ERO1A: variants seen among roughly 807,000 people sequenced by gnomAD.
The protein encoded by ERO1A is endoplasmic reticulum oxidoreductase 1 alpha.
Under a neutral mutation model 76.9 loss-of-function variants are expected in ERO1A, and 49 were observed. The observed-to-expected ratio is 0.64, with a 90% CI of 0.51 to 0.81. The LOEUF is 0.81. ERO1A is among the 30% of genes least tolerant of loss of function. ERO1A has a pLI of 0.00. For synonymous variants in ERO1A, 174 were observed against 181.2 expected (o/e 0.96, Z 0.32); for missense variants, 448 against 542.1 (o/e 0.83, Z 1.72).
At chr14:52,661,175 G>C (rs999540950) in intron 9 of ERO1A, 118 bp downstream of exon 9, 5 of 393,166 alleles carry the variant, frequency 1.3e-5, no homozygotes, top group African/African-American at 2.1e-5. Context: ...AGATAAATAA[G>C]TAAAACTTAA....
chr14:52,674,236 C>A (rs1415138073), intron 4 of ERO1A, among the ~76,000 whole-genome samples: 2 of 152,146 alleles, frequency 1.3e-5, no homozygotes, highest in African/African-American at 4.8e-5. Flanking sequence ...TTCTCTGTCT[C>A]CCAAGCTGGA....
At chr14:52,695,128 A>AC (rs1235469440) in intron 1 of ERO1A, among the ~76,000 whole-genome samples, 1 of 152,196 alleles carries the variant, frequency 6.6e-6, no homozygotes, top group African/African-American at 2.4e-5. Context: ...AACCGCGTGC[A>AC]CCCAACCCCT....
At chr14:52,655,226 G>A (rs922527086) in intron 11 of ERO1A, among the ~76,000 whole-genome samples, 4 of 152,060 alleles carry the variant, frequency 2.6e-5, no homozygotes, top group Non-Finnish European at 5.9e-5. Flanking sequence ...TCAGCCGGGC[G>A]TGGTGGCACA....
chr14:52,693,457 C>T (rs765538922), intron 1 of ERO1A, among the ~76,000 whole-genome samples: 5 of 152,116 alleles, frequency 3.3e-5, no homozygotes, highest in Non-Finnish European at 7.3e-5. Context: ...CAGCCTATTG[C>T]GGGACCTTGT....
At chr14:52,659,445 A>G (rs1462554189) in intron 9 of ERO1A, among the ~76,000 whole-genome samples, 1 of 152,186 alleles carries the variant, frequency 6.6e-6, no homozygotes, top group Non-Finnish European at 1.5e-5. Context: ...GTAGTAACTA[A>G]GGGTATGGTT....
chr14:52,683,756 A>G, intron 2 of ERO1A, 32 bp downstream of exon 2: 1 of 954,534 alleles, frequency 1.0e-6, no homozygotes, highest in Non-Finnish European at 1.5e-6. Flanking sequence ...CATTTAAAGT[A>G]TTCATATATA....
At position 52,643,772 on chromosome 14, in the gene ERO1A, T is replaced by C. The variant is rs899935695; in HGVS notation, c.1347-142A>G. 20 of 508,362 alleles carry C rather than the reference T, an allele frequency of 3.9e-5. No homozygotes were observed. The African/African-American group carries it at 4.1e-4, about 10-fold the overall frequency. 31.5% of individuals were successfully genotyped at this position (508,362 alleles called of 1,614,324 possible). A position where few individuals can be genotyped will look rare whatever the true frequency, so the allele number is the denominator to read the frequency against. On this transcript the variant is annotated intron_variant, in intron 15 of 15. Transcript: ENST00000395686. ...GCATAAACCATTTAATGTATTTTAA[T>C]ATATTTTAGTTCTTAATTCGACAAG...
At position 52,678,324 on chromosome 14, in the gene ERO1A, A is replaced by G. The variant is rs1284088607; in HGVS notation, c.357+110T>C. The G allele has an allele frequency of 1.6e-5, 12 of 734,484 alleles. No homozygotes were observed. In the East Asian group the frequency reaches 3.0e-4, roughly 18 times the overall value. The allele number at this position is 734,484 out of a possible 1,614,324, so 45.5% of individuals were successfully genotyped here. A position where few individuals can be genotyped will look rare whatever the true frequency, so the allele number is the denominator to read the frequency against. On this transcript the variant is annotated intron_variant, in intron 4 of 15. Coordinates refer to ENST00000395686, the MANE Select transcript of ERO1A (RefSeq NM_014584.3). ...GAGCCATTCAGCATAAATACCTCTC[A>G]AGGGGTTTCACCACTGGAAGCAGAT...
intron 9 of ERO1A, among the ~76,000 whole-genome samples, chr14:52,659,969 G>A (rs2040180056): frequency 6.6e-6 from 1 of 152,132 alleles, no homozygotes; most frequent in South Asian, 2.1e-4. Flanking sequence ...ACACAGCTGG[G>A]ATCACAGGTG....
intron 4 of ERO1A, among the ~76,000 whole-genome samples, chr14:52,674,286 T>A (rs1049578119): frequency 2.0e-5 from 3 of 152,122 alleles, no homozygotes; most frequent in Admixed American, 6.5e-5. Context: ...ACCTGGACAT[T>A]GGGGCTCAGC....
Position 52,675,874 on chromosome 14 carries a change from G to A in ERO1A, c.357+2560C>T, listed in dbSNP as rs141255700. 5.3e-3 allele frequency among the ~76,000 whole-genome samples: 806 copies of A among 152,116 alleles called. 28 individuals carry two copies. Among genetic ancestry groups the A allele is most frequent in the Admixed American group, 0.048 (727 of 15,274 alleles). On this transcript the variant is annotated intron_variant, in intron 4 of 15. Coordinates refer to ENST00000395686, the MANE Select transcript of ERO1A (RefSeq NM_014584.3). ...CCACAACTGTATTTTTTGTAGACAC[G>A]GGGTTTCACCATGTTGCCGAGGCTG... is the stretch of plus-strand genomic sequence containing the variant.
At chr14:52,670,431 G>A (rs2040560539) in intron 6 of ERO1A, among the ~76,000 whole-genome samples, 1 of 152,218 alleles carries the variant, frequency 6.6e-6, no homozygotes, top group South Asian at 2.1e-4. Flanking sequence ...CCAGGTTGGA[G>A]TGCAATGGCA....
intron 1 of ERO1A, among the ~76,000 whole-genome samples, chr14:52,694,544 AT>A (rs1200229553): frequency 3.9e-5 from 6 of 152,140 alleles, no homozygotes; most frequent in Admixed American, 3.9e-4. Flanking sequence ...TTAATTTTGT[AT>A]AAAACGTAAT....
intron 6 of ERO1A, among the ~76,000 whole-genome samples, chr14:52,667,871 C>T (rs1052805119): frequency 5.3e-5 from 8 of 151,434 alleles, no homozygotes; most frequent in Admixed American, 3.3e-4. Context: ...AAGTCAATAA[C>T]AAAAATATGA....
At chr14:52,679,893 A>G (rs2040929590) in intron 3 of ERO1A, among the ~76,000 whole-genome samples, 1 of 152,014 alleles carries the variant, frequency 6.6e-6, no homozygotes, top group African/African-American at 2.4e-5. Context: ...TCTACCAAAA[A>G]TACAAAAAAT....
rs2041531561 is a variant in ERO1A at position 52,695,556 on chromosome 14, G to T, written c.-75C>A. ...CTCGGTCGCGGGCCGTGCGCCCTCA[G>T]ATGAAGCCCGTGCGGGCCGGCCCCA... On this transcript the variant is annotated 5_prime_UTR_variant, in exon 1 of 16. It adds an upstream start codon to the 5' untranslated region. Coordinates refer to ENST00000395686, the MANE Select transcript of ERO1A (RefSeq NM_014584.3). 2 of 1,083,110 alleles carry T rather than the reference G, an allele frequency of 1.8e-6. No homozygotes were observed. Among genetic ancestry groups the T allele is most frequent in the East Asian group, 3.2e-5 (1 of 30,844 alleles). 67.1% of individuals were successfully genotyped at this position (1,083,110 alleles called of 1,614,324 possible). A position where few individuals can be genotyped will look rare whatever the true frequency, so the allele number is the denominator to read the frequency against.
At chr14:52,664,951 ATTC>A in intron 7 of ERO1A, among the ~76,000 whole-genome samples, 1 of 152,022 alleles carries the variant, frequency 6.6e-6, no homozygotes, top group African/African-American at 2.4e-5. Flanking sequence ...TTGGCCTCCC[ATTC>A]TTAATTCACA....
intron 3 of ERO1A, among the ~76,000 whole-genome samples, chr14:52,680,095 A>C (rs1566645367): frequency 6.6e-6 from 1 of 151,636 alleles, no homozygotes; most frequent in Non-Finnish European, 1.5e-5. Context: ...AAAAAAAAAA[A>C]AAAAAAAACA....
intron 3 of ERO1A, among the ~76,000 whole-genome samples, chr14:52,679,315 T>G (rs983879363): frequency 6.6e-6 from 1 of 152,212 alleles, no homozygotes; most frequent in Admixed American, 6.5e-5. Flanking sequence ...TACTGCCAGT[T>G]AACATTCTAA....
Sources: gnomAD v4.1 joint callset for allele counts (sites outside exome capture counted in the v4.1 genomes callset) on GRCh38, gnomAD v4.1.1 for gene constraint, MANE v1.5 for transcripts, NCBI Gene and HGNC (gene_info 2026-07-23, HGNC 2026-07-21) for gene names.